Variants in CCHCR1 observed in about 807,000 individuals in gnomAD.
The protein encoded by CCHCR1 is coiled-coil alpha-helical rod protein 1.
A neutral mutation model predicts 114.6 loss-of-function variants in CCHCR1; 91 were observed. The ratio of observed to expected loss-of-function variants is 0.79; its 90% CI spans 0.67 to 0.94. The LOEUF (loss-of-function observed/expected upper bound fraction) is 0.94. CCHCR1 is among the 40% of genes least tolerant of loss of function. CCHCR1 has a pLI of 0.00. For missense variants in CCHCR1, 899 were observed against 1,079.9 expected, an observed-to-expected ratio of 0.83 and a Z score of 2.35; for synonymous variants, 379 against 428.5, an observed-to-expected ratio of 0.88 and a Z score of 1.43.
chr6:31,143,524 G>A lies in CCHCR1; in HGVS notation c.2168-111C>T, dbSNP rs1773864501. The A allele has an allele frequency of 8.7e-7, 1 of 1,148,004 alleles. No individual in the cohort carries two copies. Among genetic ancestry groups the A allele is most frequent in the Non-Finnish European group, 1.2e-6 (1 of 809,558 alleles). 71.1% of individuals were successfully genotyped at this position (1,148,004 alleles called of 1,614,324 possible). A position where few individuals can be genotyped will look rare whatever the true frequency, so the allele number is the denominator to read the frequency against. On this transcript the variant is annotated intron_variant, in intron 15 of 17. Coordinates refer to ENST00000396268, the MANE Select transcript of CCHCR1 (RefSeq NM_001105564.2). This position sits in a 1 kb window ranked among gnomAD's most constrained non-coding sequence, Gnocchi z 5.3. ...GTCACCAACTCTGTGGCTTGGGGAG[G>A]CTGTTCTGCTCTGTGGATCTGTCTC...
Position 31,151,053 on chromosome 6 carries a change from T to C in CCHCR1, c.871A>G (p.Lys291Glu). Reference sequence around the variant, plus strand: ...CTGGTTTCCAGACTACTCAGAGACTTCTCCAAGCCCTCAGCCTTGCTGGTC... The same window carrying C: ...CTGGTTTCCAGACTACTCAGAGACTCCTCCAAGCCCTCAGCCTTGCTGGTC... ...SLTSKAEGLEKSLSSLETRRA... is the reference protein window; with the variant it reads ...SLTSKAEGLEESLSSLETRRA... The change falls in exon 5 of 18, where the codon AAG becomes GAG. Residue 291 changes from lysine (K) to glutamate (E), a missense_variant. By Grantham distance (56) the Lys-to-Glu change is moderately conservative. Coordinates refer to ENST00000396268, the MANE Select transcript of CCHCR1 (RefSeq NM_001105564.2). The surrounding 1 kb of genome is among the most constrained non-coding windows in gnomAD (Gnocchi z 4.1). 1 of 1,613,050 alleles carries C rather than the reference T, an allele frequency of 6.2e-7. No individual in the cohort carries two copies.
intron 8 of CCHCR1, 38 bp from the exon 9 acceptor site, chr6:31,148,766 G>GC: frequency 8.5e-7 from 1 of 1,174,198 alleles, no homozygotes; most frequent in Non-Finnish European, 1.2e-6. Flanking sequence ...GCCCTCTAGA[G>GC]CTAAAAGATG....
At position 31,142,684 on chromosome 6, in the gene CCHCR1, C is replaced by T. The variant is rs376069054; in HGVS notation, c.2524G>A (p.Asp842Asn). 71 of 1,612,764 alleles carry T rather than the reference C, an allele frequency of 4.4e-5. No individual in the cohort carries two copies. Among genetic ancestry groups the T allele is most frequent in the Non-Finnish European group, 6.0e-5 (71 of 1,179,936 alleles). Residue 842 changes from aspartate (D) to asparagine (N), a missense_variant, in exon 18 of 18, where the codon GAC becomes AAC. Asp to Asn is a conservative substitution (Grantham distance 23). Transcript: ENST00000396268. ...TCTTTGGAAATGGCTTCACTCAGGTCCTGCAGGTCATCGAGCAGGACAGAG... is the reference window on the plus strand; with the variant it reads ...TCTTTGGAAATGGCTTCACTCAGGTTCTGCAGGTCATCGAGCAGGACAGAG... ...SLSVLLDDLQ[D>N]LSEAISKEEA...
In CCHCR1 at chr6:31,150,871, G is replaced by C. The variant is rs373871007; in HGVS notation, c.966-11C>G. 112 of 1,612,280 alleles carry C rather than the reference G, an allele frequency of 6.9e-5. No homozygotes were observed. The Admixed American group carries it at 1.2e-3, about 18-fold the overall frequency. ...TCTTCCTGGGTCTTGCTAGGGTTGG[G>C]GTGGGAATGGGACAGCCATCAGTGG... On this transcript the variant is annotated splice_polypyrimidine_tract_variant and intron_variant, in intron 5 of 17. Transcript: ENST00000396268. This position sits in a 1 kb window ranked among gnomAD's most constrained non-coding sequence, Gnocchi z 5.3.
In CCHCR1 at chr6:31,150,076, A is replaced by G; in HGVS notation, c.1352T>C (p.Leu451Pro). Residue 451 changes from leucine (L) to proline (P), a missense_variant, in exon 8 of 18, where the codon CTG becomes CCG. Physicochemically the swap from Leu to Pro is moderately conservative, Grantham distance 98. Transcript: ENST00000396268. The surrounding 1 kb of genome is among the most constrained non-coding windows in gnomAD (Gnocchi z 5.3). ...AGAGAGTGCAGTGACCTGTCCCTTC[A>G]GCTGCTTAACAGAGTCACTGTGTTC... is the stretch of plus-strand genomic sequence containing the variant. ...ELEHSDSVKQ[L>P]KGQVASLQEK... 1 of 1,614,214 alleles carries G rather than the reference A, an allele frequency of 6.2e-7. No individual in the cohort carries two copies.
rs758012592 is a variant in CCHCR1, at chr6:31,143,289, C to G, written c.2292G>C (p.Glu764Asp). ...EGQRLARRLQ[E>D]LERDKNLMLA... is the part of the protein sequence containing the mutation. ...GCATGAGGTTCTTATCCCTCTCTAG[C>G]TCCTGCAAGCGCCGGGCCAGTCGCT... The change falls in exon 16 of 18, where the codon GAG (glutamate) becomes GAC (aspartate). Residue 764 changes from glutamate (E) to aspartate (D), a missense_variant. Coordinates refer to ENST00000396268, the MANE Select transcript of CCHCR1 (RefSeq NM_001105564.2). This position sits in a 1 kb window ranked among gnomAD's most constrained non-coding sequence, Gnocchi z 5.3. The G allele has an allele frequency of 1.2e-6, 2 of 1,612,710 alleles. No homozygotes were observed. Among genetic ancestry groups the G allele is most frequent in the Non-Finnish European group, 8.5e-7 (1 of 1,180,044 alleles).
rs371474819 is a variant in CCHCR1, at chr6:31,150,995, G to A, written c.929C>T (p.Ala310Val). Reference protein sequence around the residue: ...RAGEAKELAEAQREAELLRKQ... With the variant: ...RAGEAKELAEVQREAELLRKQ... Reference sequence around the variant, plus strand: ...CCGAAGCAGCTCGGCCTCCCTCTGAGCCTCGGCCAGCTCCTTGGCTTCCCC... The same window carrying A: ...CCGAAGCAGCTCGGCCTCCCTCTGAACCTCGGCCAGCTCCTTGGCTTCCCC... The change falls in exon 5 of 18, where the codon GCT becomes GTT. Residue 310 changes from alanine (A) to valine (V), a missense_variant. Coordinates refer to ENST00000396268, the MANE Select transcript of CCHCR1 (RefSeq NM_001105564.2). This position sits in a 1 kb window ranked among gnomAD's most constrained non-coding sequence, Gnocchi z 5.3. 7.2e-4 allele frequency: 1,165 copies of A among 1,612,952 alleles called. 16 individuals are homozygous for A. In the South Asian group the frequency reaches 0.011, roughly 16 times the overall value.
intron 10 of CCHCR1, among the ~76,000 whole-genome samples, chr6:31,147,157 T>C (rs1335517018): frequency 6.6e-6 from 1 of 152,018 alleles, no homozygotes; most frequent in Non-Finnish European, 1.5e-5. Flanking sequence ...TCCCAGCACT[T>C]TGGGAGGCCG....
rs1448732613 is a variant in CCHCR1, at chr6:31,150,465, A to G, written c.1202T>C (p.Leu401Pro). Reference sequence around the variant, plus strand: ...GGGGTTGGGCTGTACCTTCCTGGTCAGCTCCTCCTCCTGCAGGGCGAGGAT... The same window carrying G: ...GGGGTTGGGCTGTACCTTCCTGGTCGGCTCCTCCTCCTGCAGGGCGAGGAT... ...THILALQEEE[L>P]TRKVQPSDSL... The change falls in exon 7 of 18, where the codon CTG becomes CCG. Residue 401 changes from leucine to proline, a missense_variant. Physicochemically the swap from Leu to Pro is moderately conservative, Grantham distance 98 (BLOSUM62 -3). Transcript: ENST00000396268. This position sits in a 1 kb window ranked among gnomAD's most constrained non-coding sequence, Gnocchi z 5.3. 8 of 1,611,738 alleles carry G rather than the reference A, an allele frequency of 5.0e-6. No homozygotes were observed. Among genetic ancestry groups the G allele is most frequent in the Admixed American group, 3.3e-5 (2 of 59,938 alleles).
chr6:31,153,649 G>A (rs143334143), intron 4 of CCHCR1, among the ~76,000 whole-genome samples: 12,889 of 151,872 alleles, frequency 0.085, 661 homozygotes, highest in Middle Eastern at 0.16. Context: ...GCACAGTCTC[G>A]GCTCACTGCA....
In CCHCR1 at chr6:31,150,499, G is replaced by A; in HGVS notation, c.1168C>T (p.Leu390Phe). ...TCCTGCAGGGCGAGGATGTGTGTGA[G>A]GCTCTGCACCCGCACCTGCAGCAGC... ...AELLQVRVQS[L>F]THILALQEEE... The change falls in exon 7 of 18, where the codon CTC (leucine) becomes TTC (phenylalanine). Residue 390 changes from leucine to phenylalanine, a missense_variant. Physicochemically the swap from Leu to Phe is conservative, Grantham distance 22 (BLOSUM62 0). Coordinates refer to ENST00000396268, the MANE Select transcript of CCHCR1 (RefSeq NM_001105564.2). The surrounding 1 kb of genome is among the most constrained non-coding windows in gnomAD (Gnocchi z 5.3). 2 of 1,612,732 alleles carry A rather than the reference G, an allele frequency of 1.2e-6. No homozygotes were observed. The highest frequency in any genetic ancestry group is 8.5e-7 in the Non-Finnish European group (1 of 1,179,962).
At position 31,157,742 on chromosome 6, in the gene CCHCR1, G is replaced by A. The variant is rs1776292370; in HGVS notation, c.-142C>T. The A allele has an allele frequency of 1.8e-5, 12 of 660,624 alleles. No individual in the cohort carries two copies. The highest frequency in any genetic ancestry group is 1.7e-4 in the Admixed American group (6 of 35,106). 40.9% of individuals were successfully genotyped at this position (660,624 alleles called of 1,614,324 possible). A position where few individuals can be genotyped will look rare whatever the true frequency, so the allele number is the denominator to read the frequency against. On this transcript the variant is annotated 5_prime_UTR_variant, in exon 1 of 18. Coordinates refer to ENST00000396268, the MANE Select transcript of CCHCR1 (RefSeq NM_001105564.2). Reference sequence around the variant, plus strand: ...TCTCTACTATCCCCTTAGCTTCCATGCCTGCTGCCCGCCTCCTCTTTCTCG... The same window carrying A: ...TCTCTACTATCCCCTTAGCTTCCATACCTGCTGCCCGCCTCCTCTTTCTCG...
chr6:31,150,451 G>A lies in CCHCR1; in HGVS notation c.1212+4C>T, dbSNP rs1775048479. 6.2e-7 allele frequency: 1 copy of A among 1,609,298 alleles called. No homozygotes were observed. The highest frequency in any genetic ancestry group is 1.1e-5 in the South Asian group (1 of 90,814). On this transcript the variant is annotated splice_donor_region_variant and intron_variant, in intron 7 of 17. Transcript: ENST00000396268. This position sits in a 1 kb window ranked among gnomAD's most constrained non-coding sequence, Gnocchi z 5.3. ...GGGTGAGGGGTCTGGGGGTTGGGCT[G>A]TACCTTCCTGGTCAGCTCCTCCTCC...
At position 31,143,231 on chromosome 6, in the gene CCHCR1, G is replaced by GTGTCTGCC. The variant is rs1561789237; in HGVS notation, c.2319+23_2319+30dup. The stretch of plus-strand genomic sequence containing the variant: ...AGGAACCAGCCCAGGATGGGCCCTA[G>GTGTCTGCC]TGTCTGCCTGTCTGCCCTCCTGTCT... On this transcript the variant is annotated intron_variant, in intron 16 of 17. Transcript: ENST00000396268. This position sits in a 1 kb window ranked among gnomAD's most constrained non-coding sequence, Gnocchi z 5.3. 6.2e-7 allele frequency: 1 copy of GTGTCTGCC among 1,612,074 alleles called. No individual in the cohort carries two copies. Among genetic ancestry groups the GTGTCTGCC allele is most frequent in the Admixed American group, 1.7e-5 (1 of 60,016 alleles).
chr6:31,148,461 C>T lies in CCHCR1; in HGVS notation c.1524G>A (p.Gln508=), dbSNP rs375010764. The T allele has an allele frequency of 5.6e-6, 9 of 1,612,802 alleles. No homozygotes were observed. The highest frequency in any genetic ancestry group is 7.6e-6 in the Non-Finnish European group (9 of 1,179,912). The change falls in exon 10 of 18, where the codon CAG becomes CAA. Residue 508 remains glutamine, a synonymous_variant. Transcript: ENST00000396268. The part of the protein sequence containing the change: ...SRAQEARRRW[Q]QQTASAEEQL... Reference sequence around the variant, plus strand: ...GCTCCTCGGCTGAGGCTGTCTGCTGCTGCCACCGACGCCTGGCCTCCTGAG... The same window carrying T: ...GCTCCTCGGCTGAGGCTGTCTGCTGTTGCCACCGACGCCTGGCCTCCTGAG...
intron 1 of CCHCR1, 40 bp downstream of exon 1, chr6:31,157,345 G>A: frequency 6.6e-7 from 1 of 1,508,602 alleles, no homozygotes; most frequent in Non-Finnish European, 9.2e-7. Flanking sequence ...GGGCTCTGAG[G>A]CTTTACTCAT....
chr6:31,142,574 C>T lies in CCHCR1; in HGVS notation c.*18G>A. On this transcript the variant is annotated 3_prime_UTR_variant, in exon 18 of 18. Coordinates refer to ENST00000396268, the MANE Select transcript of CCHCR1 (RefSeq NM_001105564.2). ...CCTCCCAGCCCCCAGGCTGGCTTTCCCTCCAACTGTCAGCTGCTTAGCTGC... is the reference window on the plus strand; with the variant it reads ...CCTCCCAGCCCCCAGGCTGGCTTTCTCTCCAACTGTCAGCTGCTTAGCTGC... 1 of 1,605,036 alleles carries T rather than the reference C, an allele frequency of 6.2e-7. No individual in the cohort carries two copies. The highest frequency in any genetic ancestry group is 8.5e-7 in the Non-Finnish European group (1 of 1,174,100).
rs1773866037 is a variant in CCHCR1 at position 31,143,540 on chromosome 6, G to A, written c.2168-127C>T. ...CTTGGGGAGGCTGTTCTGCTCTGTGGATCTGTCTCTTCTGTACAGTTGGAG... is the reference window on the plus strand; with the variant it reads ...CTTGGGGAGGCTGTTCTGCTCTGTGAATCTGTCTCTTCTGTACAGTTGGAG... On this transcript the variant is annotated intron_variant, in intron 15 of 17. Transcript: ENST00000396268. The surrounding 1 kb of genome is among the most constrained non-coding windows in gnomAD (Gnocchi z 5.3). 6 of 969,734 alleles carry A rather than the reference G, an allele frequency of 6.2e-6. No homozygotes were observed. The Admixed American group carries it at 1.5e-4, about 25-fold the overall frequency. The allele number at this position is 969,734 out of a possible 1,614,324, so 60.1% of individuals were successfully genotyped here.
chr6:31,153,155 T>C (rs1775494420), intron 4 of CCHCR1, among the ~76,000 whole-genome samples: 1 of 152,020 alleles, frequency 6.6e-6, no homozygotes, highest in Non-Finnish European at 1.5e-5. Context: ...AATTTTTGTA[T>C]TTTTTTGTAG....
Sources: allele counts gnomAD v4.1 joint callset (sites outside exome capture counted in the v4.1 genomes callset), GRCh38; gene constraint gnomAD v4.1.1; non-coding constraint Gnocchi (gnomAD v3.1); transcripts MANE v1.5; gene names NCBI Gene and HGNC (gene_info 2026-07-23, HGNC 2026-07-21).